KLHDC4: variants seen among roughly 807,000 people sequenced by gnomAD.
The protein encoded by KLHDC4 is kelch domain containing 4.
KLHDC4 carries 90 observed loss-of-function variants against 62.4 expected under a neutral mutation model. The observed-to-expected ratio is 1.44, with a 90% confidence interval of 1.22 to 1.72. The LOEUF (loss-of-function observed/expected upper bound fraction) is 1.72, where lower values mean the gene tolerates loss of function less well. Ranked by LOEUF, KLHDC4 falls within the 40% of genes most tolerant of loss-of-function variation. KLHDC4 has a pLI of 0.00. For missense variants in KLHDC4, 1,025 were observed against 699.7 expected (o/e 1.47, Z -5.25); for synonymous variants, 386 against 284.4 (o/e 1.36, Z -3.59).
intron 4 of KLHDC4, among the ~76,000 whole-genome samples, chr16:87,751,946 G>A (rs1238435356): frequency 6.6e-6 from 1 of 151,072 alleles, no homozygotes; most frequent in Non-Finnish European, 1.5e-5. Flanking sequence ...ACGGTGGCAG[G>A]TGCCTGTAGT....
chr16:87,722,571 G>A (rs2038599052), intron 7 of KLHDC4, among the ~76,000 whole-genome samples: 1 of 152,250 alleles, frequency 6.6e-6, no homozygotes, highest in Admixed American at 6.5e-5. Flanking sequence ...GCACGCAAGT[G>A]GACAGAAGAC....
chr16:87,748,713 A>C lies in KLHDC4; in HGVS notation c.466T>G (p.Trp156Gly), dbSNP rs2043423501. Residue 156 changes from tryptophan (W) to glycine (G), a missense_variant, in exon 5 of 12, where the codon TGG (tryptophan) becomes GGG (glycine). Trp to Gly is a radical substitution (Grantham distance 184). Transcript: ENST00000270583. ...GTCTTGGTGGCCAAATGCAGGACCC[A>C]GAGATCCTTGTAGTGGTAGAACTGC... is the stretch of plus-strand genomic sequence containing the variant. ...GEQFYHYKDL[W>G]VLHLATKTWE... The C allele has an allele frequency of 6.2e-7, 1 of 1,613,538 alleles. No homozygotes were observed. Among genetic ancestry groups the C allele is most frequent in the Non-Finnish European group, 8.5e-7 (1 of 1,179,952 alleles).
chr16:87,699,713 CTG>C (rs1449062190), exon 1 of KLHDC4: 4 of 152,264 alleles, frequency 2.6e-5, no homozygotes, highest in Non-Finnish European at 4.4e-5. Context: ...AAGATACACA[CTG>C]TAGAAAGACG....
chr16:87,756,287 G>A (rs546817694), intron 3 of KLHDC4, 112 bp downstream of exon 3: 8 of 784,956 alleles, frequency 1.0e-5, no homozygotes, highest in Non-Finnish European at 1.5e-5. Context: ...TCAAGCGCGT[G>A]ATACAAGGGG....
At chr16:87,709,957 C>T (rs143567838) in intron 9 of KLHDC4, 6,758 of 418,534 alleles carry the variant, frequency 0.016, 96 homozygotes, top group Middle Eastern at 0.055. Context: ...GGTGGACAGG[C>T]CCACCAGACC....
At chr16:87,738,528 C>T (rs896545780) in intron 5 of KLHDC4, among the ~76,000 whole-genome samples, 5 of 152,116 alleles carry the variant, frequency 3.3e-5, no homozygotes, top group South Asian at 2.1e-4. Flanking sequence ...AAAACCAAAA[C>T]GTGGTCCATC....
At chr16:87,748,868 T>C (rs1017133492) in intron 4 of KLHDC4, 59 bp from the exon 5 acceptor site, 6 of 1,602,342 alleles carry the variant, frequency 3.7e-6, no homozygotes, top group Non-Finnish European at 5.1e-6. Context: ...GCCAGTGTCA[T>C]GGGTGACCGG....
At chr16:87,712,074 G>A (rs536603122) in intron 8 of KLHDC4, among the ~76,000 whole-genome samples, 2 of 152,012 alleles carry the variant, frequency 1.3e-5, no homozygotes, top group Non-Finnish European at 2.9e-5. Flanking sequence ...TGTGGCCAGC[G>A]AGGAGCCTTC....
intron 4 of KLHDC4, among the ~76,000 whole-genome samples, chr16:87,751,640 CA>C (rs997950653): frequency 6.6e-6 from 1 of 152,064 alleles, no homozygotes; most frequent in Admixed American, 6.6e-5. Context: ...CATTCCTGGC[CA>C]GGTGCAGTGG....
At chr16:87,710,133 C>G (rs529658927) in intron 9 of KLHDC4, 1 of 163,666 alleles carries the variant, frequency 6.1e-6, no homozygotes, top group African/African-American at 2.4e-5. Flanking sequence ...TCATTTACTA[C>G]AAACGGCGAG....
intron 8 of KLHDC4, among the ~76,000 whole-genome samples, chr16:87,711,656 C>T (rs1047477525): frequency 6.6e-6 from 1 of 152,228 alleles, no homozygotes; most frequent in Non-Finnish European, 1.5e-5. Context: ...TGGCATTCAA[C>T]AGCTTTCCAC....
chr16:87,704,952 G>A (rs867615365), downstream of KLHDC4, among the ~76,000 whole-genome samples: 2 of 152,168 alleles, frequency 1.3e-5, no homozygotes, highest in African/African-American at 4.8e-5. Context: ...AGAACAAGAC[G>A]ATTCATCCTT....
At chr16:87,748,641 C>G in intron 5 of KLHDC4, 32 bp downstream of exon 5, 2 of 1,613,106 alleles carry the variant, frequency 1.2e-6, no homozygotes, top group Non-Finnish European at 8.5e-7. Flanking sequence ...AAGAGCCATG[C>G]CCGGAGCTCA....
At chr16:87,707,437 G>A (rs563796892), downstream of KLHDC4, among the ~76,000 whole-genome samples, 88 of 152,302 alleles carry the variant, frequency 5.8e-4, no homozygotes, top group African/African-American at 1.6e-3. Context: ...GAGTGAGGCC[G>A]CTGCACACGA....
rs2035365367 is a variant in KLHDC4, at chr16:87,709,603, C to T, written c.1109G>A (p.Arg370Lys). The T allele has an allele frequency of 5.6e-6, 9 of 1,611,994 alleles. No individual in the cohort carries two copies. Among genetic ancestry groups the T allele is most frequent in the Non-Finnish European group, 7.6e-6 (9 of 1,179,364 alleles). Residue 370 changes from arginine to lysine, a missense_variant, in exon 10 of 12, where the codon AGG becomes AAG. Physicochemically the swap from Arg to Lys is conservative, Grantham distance 26. Coordinates refer to ENST00000270583, the MANE Select transcript of KLHDC4 (RefSeq NM_017566.4). Reference sequence around the variant, plus strand: ...GGTGCCAGCTCCCCCACACGCCGGCCTGCTACCACCTTCGGGCTCCTCTTT... The same window carrying T: ...GGTGCCAGCTCCCCCACACGCCGGCTTGCTACCACCTTCGGGCTCCTCTTT... The part of the protein sequence containing the change: ...GRKEEPEGGS[R>K]PACGGAGTQG...
Position 87,740,496 on chromosome 16 carries a change from T to C in KLHDC4, c.506+8177A>G, listed in dbSNP as rs139647825. The C allele has an allele frequency of 9.7e-3, 1,471 of 152,240 alleles. 15 individuals carry two copies. Among genetic ancestry groups the C allele is most frequent in the Non-Finnish European group, 0.015 (1,005 of 68,018 alleles). The allele number at this position is 152,240 out of a possible 1,614,324, so 9.4% of individuals were successfully genotyped here. ...GCCGGACTGGGCAACAGGGCCTCTC[T>C]CCCGCCCAGCCCAGCGGAGGGTGGC... On this transcript the variant is annotated intron_variant, in intron 5 of 11. Transcript: ENST00000270583.
intron 4 of KLHDC4, among the ~76,000 whole-genome samples, chr16:87,751,118 G>A (rs184840391): frequency 3.7e-4 from 57 of 152,248 alleles, no homozygotes; most frequent in African/African-American, 1.2e-3. Context: ...ATACATCAAC[G>A]GTAAAAAACA....
chr16:87,753,454 G>A (rs1210710457), intron 4 of KLHDC4, among the ~76,000 whole-genome samples: 1 of 152,166 alleles, frequency 6.6e-6, no homozygotes, highest in East Asian at 1.9e-4. Flanking sequence ...TGATCTGCAA[G>A]GAACTGAATC....
At chr16:87,744,513 G>C (rs1345429647) in intron 5 of KLHDC4, among the ~76,000 whole-genome samples, 1 of 151,790 alleles carries the variant, frequency 6.6e-6, no homozygotes, top group Non-Finnish European at 1.5e-5. Context: ...AACCAGCGAG[G>C]TGGAGGTTGT....
Sources: allele counts gnomAD v4.1 joint callset (sites outside exome capture counted in the v4.1 genomes callset), GRCh38; gene constraint gnomAD v4.1.1; transcripts MANE v1.5; gene names NCBI Gene and HGNC (gene_info 2026-07-23, HGNC 2026-07-21).